The following REV3L variants were observed in gnomAD, a reference collection of about 807,000 sequenced individuals.
The protein encoded by REV3L is DNA polymerase zeta catalytic subunit.
REV3L carries 69 observed loss-of-function variants against 299.4 expected under a neutral mutation model. The ratio of observed to expected loss-of-function variants is 0.23; its 90% CI spans 0.19 to 0.28. The LOEUF is 0.28. Among genes scored for constraint, REV3L ranks in the 10% least tolerant of loss-of-function variants. The pLI, the probability that REV3L is intolerant of heterozygous loss-of-function variation, is 1.00. For missense variants in REV3L, 3,128 were observed against 3,693.8 expected (o/e 0.85, Z 3.97); for synonymous variants, 1,238 against 1,271.4 (o/e 0.97, Z 0.56).
chr6:111,393,329 T>C (rs1298074331), intron 4 of REV3L, among the ~76,000 whole-genome samples: 2 of 152,178 alleles, frequency 1.3e-5, no homozygotes, highest in Non-Finnish European at 2.9e-5. Context: ...TAAATGTTCT[T>C]TAAAAAATTT....
At chr6:111,314,296 T>A (rs958110990) in intron 27 of REV3L, among the ~76,000 whole-genome samples, 2 of 152,234 alleles carry the variant, frequency 1.3e-5, no homozygotes, top group Non-Finnish European at 2.9e-5. Flanking sequence ...AATGTGACTT[T>A]GACATTCTTC....
In REV3L at chr6:111,474,988, T is replaced by TACACACACACACACAC. The variant is rs36213449; in HGVS notation, c.139+7746_139+7761dup. 3.4e-5 allele frequency among the ~76,000 whole-genome samples: 5 copies of TACACACACACACACAC among 145,948 alleles called. No individual in the cohort carries two copies. The East Asian group carries it at 1.0e-3, about 29-fold the overall frequency. Reference sequence around the variant, plus strand: ...ATTACATTCTATAGCTGCCTATATATACACACACACACACACACACACACA... The same window carrying TACACACACACACACAC: ...ATTACATTCTATAGCTGCCTATATATACACACACACACACACACACACACACACACACACACACACA... On this transcript the variant is annotated intron_variant, in intron 1 of 31. Coordinates refer to ENST00000368802, the MANE Select transcript of REV3L (RefSeq NM_001372078.1).
intron 26 of REV3L, chr6:111,315,699 C>A: frequency 3.8e-6 from 1 of 265,644 alleles, no homozygotes; most frequent in Non-Finnish European, 7.3e-6. Context: ...TCACTAACCC[C>A]AAGGCTACAG....
At chr6:111,477,425 C>G (rs931595833) in intron 1 of REV3L, among the ~76,000 whole-genome samples, 1 of 152,196 alleles carries the variant, frequency 6.6e-6, no homozygotes. Flanking sequence ...GAGGAGAGTT[C>G]ATGGTGCTCT....
At chr6:111,453,347 C>A (rs1789776808) in intron 1 of REV3L, among the ~76,000 whole-genome samples, 1 of 152,094 alleles carries the variant, frequency 6.6e-6, no homozygotes, top group African/African-American at 2.4e-5. Flanking sequence ...TGCAATTATG[C>A]CAGGTTGATA....
chr6:111,367,638 A>G lies in REV3L; in HGVS notation c.6150T>C (p.Pro2050=). Residue 2050 remains proline, a synonymous_variant, in exon 14 of 32, where the codon CCT becomes CCC. Coordinates refer to ENST00000368802, the MANE Select transcript of REV3L (RefSeq NM_001372078.1). The stretch of plus-strand genomic sequence containing the variant: ...TACATGGACTTACATCCATTTTTGG[A>G]GGCACTACAGGTTTGTCATCTGGGT... ...SVNPDDKPVV[P]PKMDVSPCIL... The G allele has an allele frequency of 1.2e-6, 2 of 1,614,078 alleles. No individual in the cohort carries two copies. The highest frequency in any genetic ancestry group is 1.7e-6 in the Non-Finnish European group (2 of 1,180,006).
At chr6:111,407,158 T>A (rs1018496180) in intron 3 of REV3L, among the ~76,000 whole-genome samples, 5 of 152,148 alleles carry the variant, frequency 3.3e-5, no homozygotes, top group African/African-American at 1.2e-4. Context: ...CTCTGCCTTG[T>A]GAGCCCTCAC....
In REV3L at chr6:111,385,809, T is replaced by C. The variant is rs146006253; in HGVS notation, c.1096+1956A>G. Among the ~76,000 whole-genome samples, 27 of 152,080 alleles carry C rather than the reference T, an allele frequency of 1.8e-4. No individual in the cohort carries two copies. In the East Asian group the frequency reaches 5.0e-3, roughly 28 times the overall value. Reference sequence around the variant, plus strand: ...GACTCAATAGAAAATAAGCACAAAATGTAATTCACAAACAGAGAAACCCAA... The same window carrying C: ...GACTCAATAGAAAATAAGCACAAAACGTAATTCACAAACAGAGAAACCCAA... On this transcript the variant is annotated intron_variant, in intron 9 of 31. Coordinates refer to ENST00000368802, the MANE Select transcript of REV3L (RefSeq NM_001372078.1).
At chr6:111,477,870 C>A (rs554281372) in intron 1 of REV3L, among the ~76,000 whole-genome samples, 4 of 152,248 alleles carry the variant, frequency 2.6e-5, no homozygotes, top group African/African-American at 9.6e-5. Context: ...GATTAGGAGG[C>A]TACTGTAGTA....
At position 111,367,236 on chromosome 6, in the gene REV3L, T is replaced by C. The variant is rs558576207; in HGVS notation, c.6552A>G (p.Pro2184=). 2.5e-6 allele frequency: 4 copies of C among 1,614,150 alleles called. No individual in the cohort carries two copies. Among genetic ancestry groups the C allele is most frequent in the Non-Finnish European group, 2.5e-6 (3 of 1,179,990 alleles). The change falls in exon 14 of 32, where the codon CCA becomes CCG. Residue 2184 remains proline, a synonymous_variant. Transcript: ENST00000368802. The part of the protein sequence containing the change: ...SEPQEPLVIS[P]INTRARTGKC... ...TCCCAGTTCTTGCCCTAGTATTAAT[T>C]GGAGATATCACTAGAGGCTCTTGAG...
chr6:111,388,047 AT>A lies in REV3L; in HGVS notation c.900del (p.Lys300AsnfsTer17). 1.2e-6 allele frequency: 2 copies of A among 1,612,238 alleles called. No individual in the cohort carries two copies. Among genetic ancestry groups the A allele is most frequent in the South Asian group, 1.1e-5 (1 of 90,844 alleles). ...AGAATTTCCTGAAGTCTCTTCTGAA[AT>A]TTTTTTTCACTTTCTGTTGCTGGCA... is the stretch of plus-strand genomic sequence containing the variant. ...RFVPATESEK[K>X]FQKRLQEILK... On this transcript the variant is annotated frameshift_variant, in exon 8 of 32. Coordinates refer to ENST00000368802, the MANE Select transcript of REV3L (RefSeq NM_001372078.1). LOFTEE classifies it high-confidence loss of function.
rs3218601 is a variant in REV3L, at chr6:111,343,904, T to C, written c.7538+21A>G. The C allele has an allele frequency of 4.4e-4, 614 of 1,400,376 alleles. 2 individuals are homozygous for C. The African/African-American group carries it at 8.0e-3, about 18-fold the overall frequency. The allele number at this position is 1,400,376 out of a possible 1,614,324, so 86.7% of individuals were successfully genotyped here. Reference sequence around the variant, plus strand: ...TCAATGATGATTTTATATTACCTTCTTCAGAGTTATAGAACAGTACCTGTA... The same window carrying C: ...TCAATGATGATTTTATATTACCTTCCTCAGAGTTATAGAACAGTACCTGTA... On this transcript the variant is annotated intron_variant, in intron 21 of 31. Transcript: ENST00000368802.
chr6:111,356,397 A>AT (rs1352347152), intron 18 of REV3L, among the ~76,000 whole-genome samples: 2 of 151,996 alleles, frequency 1.3e-5, no homozygotes, highest in African/African-American at 2.4e-5. Context: ...TTTGTTAAAA[A>AT]TTTTTTTTCA....
chr6:111,430,644 A>T (rs1262782004), intron 1 of REV3L: 1 of 1,522,690 alleles, frequency 6.6e-7, no homozygotes, highest in Middle Eastern at 1.9e-4. Context: ...CTGCTGGCCG[A>T]GAAGAGAGAG....
intron 18 of REV3L, 149 bp from the exon 19 acceptor site, chr6:111,351,940 TAC>T: frequency 1.9e-6 from 1 of 526,438 alleles, no homozygotes; most frequent in East Asian, 3.2e-5. Flanking sequence ...CAGTGGTACC[TAC>T]AGAGTTTTTA....
At chr6:111,383,713 C>T (rs1258092898) in intron 9 of REV3L, among the ~76,000 whole-genome samples, 3 of 151,924 alleles carry the variant, frequency 2.0e-5, no homozygotes, top group African/African-American at 7.3e-5. Context: ...CAATGCAATC[C>T]CTATCAAAAT....
chr6:111,452,617 T>C (rs1383227910), intron 1 of REV3L, among the ~76,000 whole-genome samples: 1 of 152,128 alleles, frequency 6.6e-6, no homozygotes, highest in Non-Finnish European at 1.5e-5. Context: ...ATATAGCAGA[T>C]AAGTGGTTGT....
At chr6:111,429,423 C>T (rs1786589440) in intron 1 of REV3L, among the ~76,000 whole-genome samples, 2 of 152,112 alleles carry the variant, frequency 1.3e-5, no homozygotes, top group Admixed American at 6.5e-5. Flanking sequence ...GAAAAAAACA[C>T]TAACTTACAA....
intron 26 of REV3L, among the ~76,000 whole-genome samples, chr6:111,316,763 C>G (rs1773575853): frequency 6.6e-6 from 1 of 151,598 alleles, no homozygotes; most frequent in Admixed American, 6.6e-5. Flanking sequence ...GGAAGAAAAT[C>G]AACATCTGTA....
Sources: gnomAD v4.1 joint callset for allele counts (sites outside exome capture counted in the v4.1 genomes callset) on GRCh38, gnomAD v4.1.1 for gene constraint, MANE v1.5 for transcripts, NCBI Gene and HGNC (gene_info 2026-07-23, HGNC 2026-07-21) for gene names.